Variants in FSTL4 observed in about 807,000 individuals in gnomAD.
The protein encoded by FSTL4 is follistatin like 4.
FSTL4 carries 28 observed loss-of-function variants against 78.2 expected under a neutral mutation model. That is an observed-to-expected ratio of 0.36 (90% confidence interval 0.27 to 0.49). FSTL4 has a LOEUF of 0.49. FSTL4 is among the 20% of genes least tolerant of loss of function. The pLI is 0.98. For synonymous variants in FSTL4, 422 were observed against 440.5 expected (o/e 0.96, Z 0.53); for missense variants, 922 against 1,084.9 (o/e 0.85, Z 2.11).
At chr5:133,402,901 T>C (rs1756268173) in intron 3 of FSTL4, among the ~76,000 whole-genome samples, 1 of 152,244 alleles carries the variant, frequency 6.6e-6, no homozygotes, top group South Asian at 2.1e-4. Context: ...GCGGCCCCTC[T>C]GCACGCCTTC....
the FSTL4 span, among the ~76,000 whole-genome samples, chr5:133,688,479 G>A: frequency 6.6e-6 from 1 of 152,218 alleles, no homozygotes; most frequent in Non-Finnish European, 1.5e-5. Flanking sequence ...GAGAATAGAT[G>A]TTAGGAGACA....
At chr5:133,807,359 T>C in the FSTL4 span, among the ~76,000 whole-genome samples, 1 of 152,212 alleles carries the variant, frequency 6.6e-6, no homozygotes, top group Admixed American at 6.5e-5. Context: ...TTTCTGTAAA[T>C]AGAATTCTAC....
chr5:133,496,167 CCACCTA>C (rs1190301689), intron 3 of FSTL4, among the ~76,000 whole-genome samples: 3 of 152,148 alleles, frequency 2.0e-5, no homozygotes, highest in African/African-American at 4.8e-5. Context: ...ACATCCAAGC[CCACCTA>C]CACCCAATTC....
chr5:133,300,400 C>T (rs1172927126), intron 6 of FSTL4, among the ~76,000 whole-genome samples: 2 of 152,182 alleles, frequency 1.3e-5, no homozygotes, highest in Non-Finnish European at 2.9e-5. Context: ...CGTTCCCCAC[C>T]CAACCCTGTT....
At chr5:133,255,954 C>G (rs1385859997) in intron 6 of FSTL4, among the ~76,000 whole-genome samples, 1 of 152,164 alleles carries the variant, frequency 6.6e-6, no homozygotes, top group Non-Finnish European at 1.5e-5. Flanking sequence ...GATTCTGGTG[C>G]TTTGTAGTGA....
chr5:133,433,049 C>A (rs1477302023), intron 3 of FSTL4, among the ~76,000 whole-genome samples: 2 of 152,196 alleles, frequency 1.3e-5, no homozygotes, highest in Non-Finnish European at 2.9e-5. Context: ...ATTCTCTCTG[C>A]CCCTGACTCC....
chr5:133,751,690 T>A, the FSTL4 span, among the ~76,000 whole-genome samples: 1 of 152,106 alleles, frequency 6.6e-6, no homozygotes, highest in Non-Finnish European at 1.5e-5. Flanking sequence ...AAAAACAAAC[T>A]GGAATTATTG....
At chr5:133,499,896 C>A (rs1441676945) in intron 3 of FSTL4, among the ~76,000 whole-genome samples, 1 of 152,128 alleles carries the variant, frequency 6.6e-6, no homozygotes, top group Non-Finnish European at 1.5e-5. Context: ...TTCGATCAAC[C>A]AATATGTATT....
At chr5:133,359,822 C>T (rs186938426) in intron 4 of FSTL4, among the ~76,000 whole-genome samples, 35 of 152,310 alleles carry the variant, frequency 2.3e-4, no homozygotes, top group Non-Finnish European at 3.8e-4. Flanking sequence ...CTTTTCCTAC[C>T]CGTTCTGCTG....
the FSTL4 span, among the ~76,000 whole-genome samples, chr5:133,711,992 A>G: frequency 1.3e-5 from 2 of 152,174 alleles, no homozygotes; most frequent in Admixed American, 6.5e-5. Flanking sequence ...AACTGACCCA[A>G]GGTCACACGG....
At position 133,217,397 on chromosome 5, in the gene FSTL4, G is replaced by A. The variant is rs764200370; in HGVS notation, c.1459-19C>T. The A allele has an allele frequency of 1.1e-5, 17 of 1,612,238 alleles. No individual in the cohort carries two copies. The highest frequency in any genetic ancestry group is 9.9e-5 in the South Asian group (9 of 90,932). On this transcript the variant is annotated intron_variant, in intron 12 of 15. Coordinates refer to ENST00000265342, the MANE Select transcript of FSTL4 (RefSeq NM_015082.2). ...TTTCTTCCTGCAAAGGAGATAGGCT[G>A]TCATATATCTTCTTAATTGCCCTTT...
intron 3 of FSTL4, among the ~76,000 whole-genome samples, chr5:133,560,543 T>G (rs1233217936): frequency 2.6e-5 from 4 of 152,062 alleles, no homozygotes; most frequent in African/African-American, 4.8e-5. Flanking sequence ...TTTTGTATTT[T>G]TAGTAGAGAC....
At chr5:133,498,998 T>A (rs1580748001) in intron 3 of FSTL4, among the ~76,000 whole-genome samples, 1 of 146,992 alleles carries the variant, frequency 6.8e-6, no homozygotes, top group East Asian at 2.0e-4. Flanking sequence ...AGCAACAAAT[T>A]ACACACACAC....
Position 133,199,322 on chromosome 5 carries a change from TG to T in FSTL4, c.2301del (p.Thr768ArgfsTer7). The T allele has an allele frequency of 6.2e-7, 1 of 1,614,084 alleles. No individual in the cohort carries two copies. Among genetic ancestry groups the T allele is most frequent in the Non-Finnish European group, 8.5e-7 (1 of 1,179,944 alleles). Reference protein sequence around the residue: ...TEPDLLFLELSTGKVGMLKNL... With the variant: ...TEPDLLFLELXTGKVGMLKNL... Reference sequence around the variant, plus strand: ...TTCTTCAGCATGCCCACCTTCCCCGTGGACAGCTCCAGGAACAGCAGGTCCG... The same window carrying T: ...TTCTTCAGCATGCCCACCTTCCCCGTGACAGCTCCAGGAACAGCAGGTCCG... On this transcript the variant is annotated frameshift_variant, in exon 16 of 16. Transcript: ENST00000265342. LOFTEE classifies it low-confidence loss of function (END_TRUNC). The surrounding 1 kb of genome is among the most constrained non-coding windows in gnomAD (Gnocchi z 4.4).
At chr5:133,333,217 G>A (rs1010649709) in intron 4 of FSTL4, among the ~76,000 whole-genome samples, 6 of 151,932 alleles carry the variant, frequency 3.9e-5, no homozygotes, top group Admixed American at 3.9e-4. Context: ...GTGCCCAGGA[G>A]CAGGGATAAA....
intron 2 of FSTL4, among the ~76,000 whole-genome samples, chr5:133,597,351 A>T (rs1351483956): frequency 1.3e-5 from 2 of 152,182 alleles, no homozygotes; most frequent in Non-Finnish European, 2.9e-5. Flanking sequence ...TAAATCAAGC[A>T]GATGATTGGG....
intron 6 of FSTL4, among the ~76,000 whole-genome samples, chr5:133,255,538 C>T (rs114462204): frequency 1.0e-3 from 155 of 152,352 alleles, no homozygotes; most frequent in African/African-American, 3.6e-3. Context: ...GGCTGCGTGT[C>T]CCACAGTGGG....
At chr5:133,793,128 G>A in the FSTL4 span, among the ~76,000 whole-genome samples, 1 of 152,210 alleles carries the variant, frequency 6.6e-6, no homozygotes, top group African/African-American at 2.4e-5. Context: ...GACAACTGAG[G>A]CCCACCCCTC....
At chr5:133,749,430 A>G in the FSTL4 span, among the ~76,000 whole-genome samples, 1 of 152,210 alleles carries the variant, frequency 6.6e-6, no homozygotes, top group Non-Finnish European at 1.5e-5. Context: ...TACAGCCCCA[A>G]GGGCACACAG....
Sources: allele counts gnomAD v4.1 joint callset (sites outside exome capture counted in the v4.1 genomes callset), GRCh38; gene constraint gnomAD v4.1.1; non-coding constraint Gnocchi (gnomAD v3.1); transcripts MANE v1.5; gene names NCBI Gene and HGNC (gene_info 2026-07-23, HGNC 2026-07-21).